Variants in CHSY3 observed in about 807,000 individuals in gnomAD.
The protein encoded by CHSY3 is N-acetylgalactosaminyl-proteoglycan 3-beta-glucuronosyltransferase 3.
A neutral mutation model predicts 67.2 loss-of-function variants in CHSY3; 35 were observed. The ratio of observed to expected loss-of-function variants is 0.52; its 90% CI spans 0.40 to 0.69. CHSY3 has a LOEUF of 0.69. CHSY3 is among the 30% of genes least tolerant of loss of function. The probability of loss-of-function intolerance (pLI) is 0.00; values close to 1 mark genes in which losing one functional copy is unlikely to be tolerated. For synonymous variants in CHSY3, 474 were observed against 434.7 expected (o/e 1.09, Z -1.12); for missense variants, 1,069 against 1,138.5 (o/e 0.94, Z 0.88).
At chr5:129,915,640 C>T (rs1760708104) in intron 2 of CHSY3, among the ~76,000 whole-genome samples, 1 of 152,066 alleles carries the variant, frequency 6.6e-6, no homozygotes, top group South Asian at 2.1e-4. Flanking sequence ...CTTTCAGTTT[C>T]ATTATTTTTT....
At chr5:130,126,304 A>C (rs1768285806) in intron 2 of CHSY3, among the ~76,000 whole-genome samples, 1 of 151,852 alleles carries the variant, frequency 6.6e-6, no homozygotes, top group South Asian at 2.1e-4. Context: ...AAAAAAAAAA[A>C]GGTAGGTCTT....
intron 2 of CHSY3, among the ~76,000 whole-genome samples, chr5:129,976,007 A>C (rs1762795787): frequency 6.6e-6 from 1 of 152,154 alleles, no homozygotes; most frequent in Admixed American, 6.6e-5. Flanking sequence ...TTCTGACCAC[A>C]TTCTGTGTTC....
At chr5:130,059,404 T>TCTCG (rs1554079923) in intron 2 of CHSY3, among the ~76,000 whole-genome samples, 19 of 151,566 alleles carry the variant, frequency 1.3e-4, no homozygotes, top group Admixed American at 6.6e-4. Flanking sequence ...TCTCTCTCTC[T>TCTCG]CTCGCTCTTC....
At chr5:130,132,277 C>G (rs571461643) in intron 2 of CHSY3, among the ~76,000 whole-genome samples, 8 of 152,074 alleles carry the variant, frequency 5.3e-5, no homozygotes, top group Non-Finnish European at 1.2e-4. Context: ...GAGATAATCT[C>G]TGAAAAAGCA....
chr5:129,928,265 TGTTA>T (rs745884090), intron 2 of CHSY3, among the ~76,000 whole-genome samples: 75 of 144,856 alleles, frequency 5.2e-4, no homozygotes, highest in Non-Finnish European at 3.1e-4. Context: ...ATAAATTTTT[TGTTA>T]GTTCATATTT....
intron 2 of CHSY3, among the ~76,000 whole-genome samples, chr5:130,119,348 A>C (rs1409320799): frequency 1.3e-5 from 2 of 152,158 alleles, no homozygotes; most frequent in African/African-American, 2.4e-5. Flanking sequence ...ACAAACATGA[A>C]ATTTTGTAGC....
intron 2 of CHSY3, among the ~76,000 whole-genome samples, chr5:130,154,119 A>G (rs771977845): frequency 1.3e-4 from 20 of 151,962 alleles, no homozygotes; most frequent in Non-Finnish European, 2.5e-4. Context: ...GTTTCATCAT[A>G]TTGGTCAGGC....
chr5:130,131,491 A>C (rs1419209041), intron 2 of CHSY3, among the ~76,000 whole-genome samples: 1 of 152,192 alleles, frequency 6.6e-6, no homozygotes, highest in Non-Finnish European at 1.5e-5. Flanking sequence ...CCAAGCCCAA[A>C]GTTAATAATC....
At chr5:129,960,604 A>G (rs1274796432) in intron 2 of CHSY3, among the ~76,000 whole-genome samples, 2 of 152,044 alleles carry the variant, frequency 1.3e-5, no homozygotes, top group Non-Finnish European at 2.9e-5. Context: ...TTTTAATTAG[A>G]TTTATTTGTT....
chr5:130,095,759 A>G (rs1022724791), intron 2 of CHSY3, among the ~76,000 whole-genome samples: 1 of 152,242 alleles, frequency 6.6e-6, no homozygotes, highest in Non-Finnish European at 1.5e-5. Context: ...GTCTCAAAGT[A>G]TCTCTTTCAA....
intron 2 of CHSY3, among the ~76,000 whole-genome samples, chr5:130,044,702 G>A (rs1433477382): frequency 1.3e-5 from 2 of 151,662 alleles, no homozygotes; most frequent in Non-Finnish European, 2.9e-5. Flanking sequence ...TGAAGGAGGC[G>A]GGATATTTTT....
chr5:130,148,605 G>T (rs1395844740), intron 2 of CHSY3, among the ~76,000 whole-genome samples: 1 of 152,112 alleles, frequency 6.6e-6, no homozygotes, highest in Non-Finnish European at 1.5e-5. Context: ...GTATGAGATG[G>T]TATCTCCTTG....
At position 130,086,632 on chromosome 5, in the gene CHSY3, T is replaced by C. The variant is rs565890628; in HGVS notation, c.1087-97597T>C. Among the ~76,000 whole-genome samples the C allele has an allele frequency of 4.3e-3, 654 of 152,140 alleles. 5 individuals carry two copies. The highest frequency in any genetic ancestry group is 0.014 in the African/African-American group (589 of 41,508). ...GAAAATCTAGAAGAAATGGATAAAT[T>C]CCTCGACACATACACCCTCCCAAGA... On this transcript the variant is annotated intron_variant, in intron 2 of 2. Transcript: ENST00000305031.
intron 2 of CHSY3, among the ~76,000 whole-genome samples, chr5:129,973,165 T>C (rs1762694083): frequency 6.6e-6 from 1 of 152,152 alleles, no homozygotes. Flanking sequence ...ACACTGATAA[T>C]GTGTTATCAG....
At chr5:130,100,352 T>A (rs1343155841) in intron 2 of CHSY3, among the ~76,000 whole-genome samples, 3 of 34,396 alleles carry the variant, frequency 8.7e-5, no homozygotes, top group Non-Finnish European at 5.0e-5. Context: ...GCTTGGCTAT[T>A]TTTTTTTTTT....
chr5:130,049,125 A>G (rs926529879), intron 2 of CHSY3, among the ~76,000 whole-genome samples: 12 of 152,034 alleles, frequency 7.9e-5, no homozygotes, highest in Admixed American at 6.6e-4. Context: ...AACATTTATA[A>G]TTTGGCTCTA....
chr5:130,078,037 T>C (rs146545411), intron 2 of CHSY3, among the ~76,000 whole-genome samples: 1 of 152,228 alleles, frequency 6.6e-6, no homozygotes, highest in African/African-American at 2.4e-5. Flanking sequence ...TGTATTACAA[T>C]ACTTTGAAGT....
Position 130,080,037 on chromosome 5 carries a change from T to TACACACACACAC in CHSY3, c.1087-104170_1087-104159dup, listed in dbSNP as rs35994744. On this transcript the variant is annotated intron_variant, in intron 2 of 2. Coordinates refer to ENST00000305031, the MANE Select transcript of CHSY3 (RefSeq NM_175856.5). Reference sequence around the variant, plus strand: ...AGCCCTTCAGAAATACACCTGAACATACACACACACACACACACACACACA... The same window carrying TACACACACACAC: ...AGCCCTTCAGAAATACACCTGAACATACACACACACACACACACACACACACACACACACACA... Among the ~76,000 whole-genome samples the TACACACACACAC allele has an allele frequency of 1.1e-3, 159 of 143,420 alleles. 1 individual carries two copies. The highest frequency in any genetic ancestry group is 3.4e-3 in the African/African-American group (135 of 39,336). The allele number at this position is 143,420 out of a possible 152,430, so 94.1% of individuals were successfully genotyped here.
At chr5:129,911,058 T>A in intron 2 of CHSY3, among the ~76,000 whole-genome samples, 1 of 151,674 alleles carries the variant, frequency 6.6e-6, no homozygotes, top group East Asian at 1.9e-4. Flanking sequence ...GGCATGTTCA[T>A]GATTTTTAAG....
Sources: gnomAD v4.1 joint callset for allele counts (sites outside exome capture counted in the v4.1 genomes callset) on GRCh38, gnomAD v4.1.1 for gene constraint, MANE v1.5 for transcripts, NCBI Gene and HGNC (gene_info 2026-07-23, HGNC 2026-07-21) for gene names.